SLC6A15: variants seen among roughly 807,000 people sequenced by gnomAD.
SLC6A15 encodes the protein sodium-dependent neutral amino acid transporter B(0)AT2.
In SLC6A15, 33 loss-of-function variants were observed where a neutral mutation model predicts 68.5. The ratio of observed to expected loss-of-function variants is 0.48; its 90% CI spans 0.37 to 0.64. The LOEUF is 0.64. SLC6A15 is among the 30% of genes least tolerant of loss of function. The pLI, the probability that SLC6A15 is intolerant of heterozygous loss-of-function variation, is 0.00. For missense variants in SLC6A15, 747 were observed against 874.3 expected (o/e 0.85, Z 1.84); for synonymous variants, 347 against 301.0 (o/e 1.15, Z -1.58).
rs767480131 is a variant in SLC6A15, at chr12:84,863,495, T to C, written c.1762A>G (p.Ser588Gly). Reference sequence around the variant, plus strand: ...GGACTTAATCCCATATTCACAACACTAGCTATTAGCAATGATAATAGCATT... The same window carrying C: ...GGACTTAATCCCATATTCACAACACCAGCTATTAGCAATGATAATAGCATT... ...PLMLLSLLIASVVNMGLSPPG... is the reference protein window; with the variant it reads ...PLMLLSLLIAGVVNMGLSPPG... The change falls in exon 11 of 12, where the codon AGT becomes GGT. Residue 588 changes from serine (S) to glycine (G), a missense_variant. Physicochemically the swap from Ser to Gly is moderately conservative, Grantham distance 56 (BLOSUM62 0). Coordinates refer to ENST00000266682, the MANE Select transcript of SLC6A15 (RefSeq NM_182767.6). 6.3e-7 allele frequency: 1 copy of C among 1,593,444 alleles called. No individual in the cohort carries two copies. Among genetic ancestry groups the C allele is most frequent in the African/African-American group, 1.4e-5 (1 of 73,752 alleles).
chr12:84,894,554 A>G (rs570839731), intron 1 of SLC6A15, among the ~76,000 whole-genome samples: 4 of 152,216 alleles, frequency 2.6e-5, no homozygotes, highest in East Asian at 3.9e-4. Context: ...TTTTACAAAG[A>G]AAAAAAATTT....
intron 10 of SLC6A15, among the ~76,000 whole-genome samples, chr12:84,863,931 T>C (rs1421594825): frequency 6.6e-6 from 1 of 151,514 alleles, no homozygotes; most frequent in Non-Finnish European, 1.5e-5. Flanking sequence ...AAAGGAATTA[T>C]TTAGAAATTA....
rs1465584935 is a variant in SLC6A15, at chr12:84,885,897, A to C, written c.447+14T>G. The C allele has an allele frequency of 6.3e-7, 1 of 1,595,942 alleles. No homozygotes were observed. The highest frequency in any genetic ancestry group is 8.5e-7 in the Non-Finnish European group (1 of 1,173,422). ...TATAAAGATTACAGCATACACCAAC[A>C]AAAGGAAACTTACTACACAACTTGC... On this transcript the variant is annotated intron_variant, in intron 3 of 11. Transcript: ENST00000266682.
intron 5 of SLC6A15, 100 bp downstream of exon 5, chr12:84,883,759 T>A: frequency 1.2e-6 from 2 of 1,613,558 alleles, no homozygotes; most frequent in Non-Finnish European, 1.7e-6. Flanking sequence ...AATGAAGTGT[T>A]ATGTGTGATT....
intron 6 of SLC6A15, among the ~76,000 whole-genome samples, chr12:84,876,265 G>A (rs1017293938): frequency 6.6e-6 from 1 of 151,932 alleles, no homozygotes; most frequent in African/African-American, 2.4e-5. Context: ...TTTTGAAGTT[G>A]AAATAGTGGT....
In SLC6A15 at chr12:84,862,035, G is replaced by A. The variant is rs559492803; in HGVS notation, c.1819-29C>T. On this transcript the variant is annotated intron_variant, in intron 11 of 11. Coordinates refer to ENST00000266682, the MANE Select transcript of SLC6A15 (RefSeq NM_182767.6). ...TTAAAGAAGAAAATAATAATTATTA[G>A]TAATCTATCTTTCTTTGCACATACA... The A allele has an allele frequency of 3.3e-6, 5 of 1,532,466 alleles. No individual in the cohort carries two copies. The African/African-American group carries it at 6.9e-5, about 21-fold the overall frequency. The allele number at this position is 1,532,466 out of a possible 1,614,324, so 94.9% of individuals were successfully genotyped here.
At chr12:84,897,745 G>A (rs1251733394) in intron 1 of SLC6A15, among the ~76,000 whole-genome samples, 1 of 152,080 alleles carries the variant, frequency 6.6e-6, no homozygotes, top group African/African-American at 2.4e-5. Context: ...CTAAGCATAA[G>A]AGAAATGATG....
intron 10 of SLC6A15, 50 bp downstream of exon 10, chr12:84,866,984 G>A (rs369407827): frequency 1.1e-4 from 144 of 1,356,054 alleles, no homozygotes; most frequent in Non-Finnish European, 1.4e-4. Context: ...GATAATTGAT[G>A]TTTTCAAACT....
intron 9 of SLC6A15, among the ~76,000 whole-genome samples, chr12:84,869,305 A>T (rs1017305898): frequency 6.6e-6 from 1 of 151,944 alleles, no homozygotes; most frequent in African/African-American, 2.4e-5. Context: ...TAAAAAAAAT[A>T]CAAAAAATTA....
intron 5 of SLC6A15, chr12:84,882,501 T>C (rs1213131066): frequency 1.1e-6 from 1 of 896,766 alleles, no homozygotes; most frequent in Non-Finnish European, 1.3e-6. Context: ...AAAAAGTCAC[T>C]AAAATTTTTA....
In SLC6A15 at chr12:84,863,561, T is replaced by G; in HGVS notation, c.1696A>C (p.Ser566Arg). 1.3e-6 allele frequency: 2 copies of G among 1,584,930 alleles called. No individual in the cohort carries two copies. The highest frequency in any genetic ancestry group is 1.2e-5 in the South Asian group (1 of 85,588). ...DLKDMLGFAP[S>R]RYYYYMWKYI... Reference sequence around the variant, plus strand: ...TTCCACATATAGTAGTAATATCTGCTGGGAGCAAAGCCCAGCATATCTTTT... The same window carrying G: ...TTCCACATATAGTAGTAATATCTGCGGGGAGCAAAGCCCAGCATATCTTTT... The change falls in exon 11 of 12, where the codon AGC becomes CGC. Residue 566 changes from serine (S) to arginine (R), a missense_variant. Physicochemically the swap from Ser to Arg is moderately radical, Grantham distance 110. Coordinates refer to ENST00000266682, the MANE Select transcript of SLC6A15 (RefSeq NM_182767.6).
intron 5 of SLC6A15, among the ~76,000 whole-genome samples, chr12:84,879,616 G>A (rs1026152111): frequency 1.3e-5 from 2 of 151,918 alleles, no homozygotes; most frequent in South Asian, 2.1e-4. Flanking sequence ...GTGAGCCACC[G>A]CCTGGCCACT....
In SLC6A15 at chr12:84,870,466, CA is replaced by C. The variant is rs769874506; in HGVS notation, c.1495+11del. On this transcript the variant is annotated intron_variant, in intron 9 of 11. Coordinates refer to ENST00000266682, the MANE Select transcript of SLC6A15 (RefSeq NM_182767.6). Reference sequence around the variant, plus strand: ...GATTTGTTCAATGAAAAGTCAAATACAAAAAACTCACCAGTAAGAATTTCTT... The same window carrying C: ...GATTTGTTCAATGAAAAGTCAAATACAAAAACTCACCAGTAAGAATTTCTT... The C allele has an allele frequency of 2.6e-6, 4 of 1,515,122 alleles. No individual in the cohort carries two copies. The highest frequency in any genetic ancestry group is 4.3e-5 in the Admixed American group (2 of 46,086). 93.9% of individuals were successfully genotyped at this position (1,515,122 alleles called of 1,614,324 possible).
chr12:84,878,522 A>T (rs868710119), intron 5 of SLC6A15, among the ~76,000 whole-genome samples: 19 of 152,178 alleles, frequency 1.2e-4, no homozygotes, highest in Admixed American at 2.0e-4. Context: ...GTACTGCTTT[A>T]TAAATAATAT....
At chr12:84,884,542 G>T (rs932013300) in intron 4 of SLC6A15, among the ~76,000 whole-genome samples, 1 of 151,948 alleles carries the variant, frequency 6.6e-6, no homozygotes, top group Non-Finnish European at 1.5e-5. Flanking sequence ...CTGACCTCAG[G>T]GGCTCTACCT....
chr12:84,896,691 G>A (rs1008132134), intron 1 of SLC6A15, among the ~76,000 whole-genome samples: 3 of 152,222 alleles, frequency 2.0e-5, no homozygotes, highest in African/African-American at 7.2e-5. Context: ...AGATAGAGGT[G>A]ATAGTGGACA....
chr12:84,878,414 C>T (rs890542074), intron 5 of SLC6A15, among the ~76,000 whole-genome samples: 2 of 151,940 alleles, frequency 1.3e-5, no homozygotes, highest in South Asian at 2.1e-4. Context: ...AAAGTAATCC[C>T]CTTTATGATT....
At chr12:84,896,449 C>A (rs1182140895) in intron 1 of SLC6A15, among the ~76,000 whole-genome samples, 1 of 152,070 alleles carries the variant, frequency 6.6e-6, no homozygotes, top group Admixed American at 6.5e-5. Context: ...TGTGCTACAA[C>A]AACAGAGTTA....
chr12:84,911,135 G>A (rs80196435), intron 1 of SLC6A15, among the ~76,000 whole-genome samples: 6,039 of 152,124 alleles, frequency 0.04, 381 homozygotes, highest in African/African-American at 0.13. Context: ...GCTTGTTGGG[G>A]CTGTGTCTGC....
Sources: gnomAD v4.1 joint callset for allele counts (sites outside exome capture counted in the v4.1 genomes callset) on GRCh38, gnomAD v4.1.1 for gene constraint, MANE v1.5 for transcripts, NCBI Gene and HGNC (gene_info 2026-07-23, HGNC 2026-07-21) for gene names.